CPAMD8: variants seen among roughly 807,000 people sequenced by gnomAD.
The protein encoded by CPAMD8 is C3 and PZP-like alpha-2-macroglobulin domain-containing protein 8.
In CPAMD8, 146 loss-of-function variants were observed where a neutral mutation model predicts 224.7. The ratio of observed to expected loss-of-function variants is 0.65; its 90% CI spans 0.57 to 0.75. CPAMD8 has a LOEUF of 0.75. Ranked by LOEUF, CPAMD8 falls within the 30% of genes least tolerant of loss-of-function variation. The pLI, the probability that CPAMD8 is intolerant of heterozygous loss-of-function variation, is 0.00. For missense variants in CPAMD8, 2,301 were observed against 2,537.5 expected (o/e 0.91, Z 2.00); for synonymous variants, 966 against 1,044.6 (o/e 0.92, Z 1.45).
intron 32 of CPAMD8, 40 bp downstream of exon 32, chr19:16,904,185 AC>A (rs1400243571): frequency 1.2e-5 from 4 of 337,608 alleles, no homozygotes; most frequent in East Asian, 1.6e-4. Context: ...GACCCCACCC[AC>A]CCAGCCCTGA....
intron 25 of CPAMD8, among the ~76,000 whole-genome samples, chr19:16,927,700 G>T (rs1357637311): frequency 6.6e-6 from 1 of 152,202 alleles, no homozygotes; most frequent in African/African-American, 2.4e-5. Context: ...TTCACTGCAG[G>T]TTCTTAGGGG....
At chr19:17,003,347 C>T (rs532472192) in intron 8 of CPAMD8, among the ~76,000 whole-genome samples, 2 of 151,990 alleles carry the variant, frequency 1.3e-5, no homozygotes, top group African/African-American at 2.4e-5. Context: ...ACTACAGGCA[C>T]GTGCCACCAT....
intron 19 of CPAMD8, among the ~76,000 whole-genome samples, chr19:16,953,769 C>G (rs1183415256): frequency 6.6e-6 from 1 of 151,938 alleles, no homozygotes; most frequent in African/African-American, 2.4e-5. Flanking sequence ...TAGAGAACTC[C>G]TGAAACTCAA....
chr19:17,023,631 G>A (rs1035264170), intron 1 of CPAMD8, among the ~76,000 whole-genome samples: 1 of 151,836 alleles, frequency 6.6e-6, no homozygotes, highest in Non-Finnish European at 1.5e-5. Context: ...GCCCAGGCTG[G>A]AGTGCAGTGG....
At chr19:16,966,345 G>A (rs2054827476) in intron 18 of CPAMD8, among the ~76,000 whole-genome samples, 1 of 152,180 alleles carries the variant, frequency 6.6e-6, no homozygotes, top group Non-Finnish European at 1.5e-5. Context: ...ATTAATTCAA[G>A]ATGGATTAAA....
intron 17 of CPAMD8, among the ~76,000 whole-genome samples, chr19:16,974,009 T>A (rs976446908): frequency 3.3e-5 from 5 of 150,944 alleles, no homozygotes; most frequent in Non-Finnish European, 7.4e-5. Context: ...ATTGTGTTTT[T>A]AGTAGAGAGG....
chr19:16,904,445 G>A (rs368974352), intron 31 of CPAMD8, 21 bp downstream of exon 31: 51 of 1,613,590 alleles, frequency 3.2e-5, no homozygotes, highest in Middle Eastern at 1.6e-4. Flanking sequence ...GCAGGCACCC[G>A]GGAGCTGGGG....
intron 26 of CPAMD8, 24 bp downstream of exon 26, chr19:16,925,172 A>G (rs995899043): frequency 3.7e-6 from 6 of 1,611,938 alleles, no homozygotes; most frequent in Non-Finnish European, 5.1e-6. Context: ...TCCCACCTCA[A>G]CCCAGGCACT....
Position 17,012,555 on chromosome 19 carries a change from C to T in CPAMD8, c.268-798G>A, listed in dbSNP as rs1404127666. Among the ~76,000 whole-genome samples the T allele has an allele frequency of 6.0e-5, 9 of 150,484 alleles. No individual in the cohort carries two copies. The East Asian group carries it at 1.6e-3, about 27-fold the overall frequency. On this transcript the variant is annotated intron_variant, in intron 3 of 41. Coordinates refer to ENST00000443236, the MANE Select transcript of CPAMD8 (RefSeq NM_015692.5). ...GTAGAAACAAGGTCTCACTCTATTG[C>T]CCAGGCTGGTCTCAAACTCCTGGGC... is the stretch of plus-strand genomic sequence containing the variant.
rs2053459568 is a variant in CPAMD8 at position 16,928,951 on chromosome 19, G to A, written c.3135C>T (p.Gly1045=). The A allele has an allele frequency of 1.9e-6, 3 of 1,603,742 alleles. No homozygotes were observed. Among genetic ancestry groups the A allele is most frequent in the Non-Finnish European group, 2.6e-6 (3 of 1,174,058 alleles). Residue 1045 remains glycine (G), a synonymous_variant, in exon 24 of 42, where the codon GGC becomes GGT. Coordinates refer to ENST00000443236, the MANE Select transcript of CPAMD8 (RefSeq NM_015692.5). ...FRTFWISWRG[G]LIQVGHGPEP... is the part of the protein sequence containing the mutation. ...CAGTTCTGCTGTATACCTGGATAAG[G>A]CCACCACGCCAGCTGATCCAGAATG...
intron 27 of CPAMD8, among the ~76,000 whole-genome samples, chr19:16,917,385 G>A (rs1016592436): frequency 2.0e-5 from 3 of 152,124 alleles, no homozygotes; most frequent in African/African-American, 7.2e-5. Context: ...TGTGTATGGG[G>A]GTGTAGAGGT....
At chr19:16,972,409 G>C (rs1195957309) in intron 17 of CPAMD8, among the ~76,000 whole-genome samples, 2 of 152,016 alleles carry the variant, frequency 1.3e-5, no homozygotes, top group Non-Finnish European at 2.9e-5. Flanking sequence ...ACTCACTGTA[G>C]CCTGGGCTGA....
intron 17 of CPAMD8, among the ~76,000 whole-genome samples, chr19:16,973,612 G>A (rs1281197882): frequency 6.6e-6 from 1 of 152,004 alleles, no homozygotes; most frequent in Non-Finnish European, 1.5e-5. Context: ...GCCTCCCAAA[G>A]TGCTGGGATT....
At chr19:17,008,630 A>T in intron 6 of CPAMD8, 71 bp from the exon 7 acceptor site, 1 of 1,511,918 alleles carries the variant, frequency 6.6e-7, no homozygotes, top group Middle Eastern at 1.7e-4. Context: ...CAATGTAAGG[A>T]TTTTCCCAGT....
chr19:16,943,462 G>C (rs1433509076), intron 22 of CPAMD8, among the ~76,000 whole-genome samples: 1 of 151,824 alleles, frequency 6.6e-6, no homozygotes, highest in Non-Finnish European at 1.5e-5. Context: ...GAGTATAGTG[G>C]CATAATCATA....
intron 11 of CPAMD8, 136 bp downstream of exon 11, chr19:16,996,975 A>T: frequency 4.6e-6 from 3 of 652,654 alleles, no homozygotes; most frequent in Non-Finnish European, 8.5e-6. Flanking sequence ...CTGGAACACC[A>T]GCCCTCTCCA....
chr19:16,939,272 A>G (rs1299005464), intron 22 of CPAMD8, among the ~76,000 whole-genome samples: 1 of 151,658 alleles, frequency 6.6e-6, no homozygotes, highest in Non-Finnish European at 1.5e-5. Flanking sequence ...GGTGTGAGTG[A>G]TCTCAGCTCA....
intron 26 of CPAMD8, among the ~76,000 whole-genome samples, chr19:16,923,486 C>T (rs755643770): frequency 1.3e-5 from 2 of 152,132 alleles, no homozygotes; most frequent in Non-Finnish European, 2.9e-5. Flanking sequence ...GAGACAGGAC[C>T]GGTGACCAAA....
At position 17,002,905 on chromosome 19, in the gene CPAMD8, C is replaced by CTTTTTTT. The variant is rs376741138; in HGVS notation, c.674-556_674-555insAAAAAAA. Among the ~76,000 whole-genome samples the CTTTTTTT allele has an allele frequency of 1.5e-4, 20 of 133,424 alleles. 3 individuals are homozygous for CTTTTTTT. Among genetic ancestry groups the CTTTTTTT allele is most frequent in the Non-Finnish European group, 1.9e-4 (12 of 64,074 alleles). The allele number at this position is 133,424 out of a possible 152,430, so 87.5% of individuals were successfully genotyped here. ...TTCGTTCTTTCTTTTCTTTTCTTTTCTTTTCTTTTTTTTTTTGAGACAGAT... is the reference window on the plus strand; with the variant it reads ...TTCGTTCTTTCTTTTCTTTTCTTTTCTTTTTTTTTTTCTTTTTTTTTTTGAGACAGAT... On this transcript the variant is annotated intron_variant, in intron 8 of 41. Coordinates refer to ENST00000443236, the MANE Select transcript of CPAMD8 (RefSeq NM_015692.5).
Sources: gnomAD v4.1 joint callset for allele counts (sites outside exome capture counted in the v4.1 genomes callset) on GRCh38, gnomAD v4.1.1 for gene constraint, MANE v1.5 for transcripts, NCBI Gene and HGNC (gene_info 2026-07-23, HGNC 2026-07-21) for gene names.